TRIM9: variants seen among roughly 807,000 people sequenced by gnomAD.
The protein encoded by TRIM9 is tripartite motif containing 9, also known as E3 ubiquitin-protein ligase TRIM9.
Under a neutral mutation model 78.3 loss-of-function variants are expected in TRIM9, and 26 were observed. The ratio of observed to expected loss-of-function variants is 0.33; its 90% CI spans 0.24 to 0.46. The LOEUF (loss-of-function observed/expected upper bound fraction) is 0.46. Among genes scored for constraint, TRIM9 ranks in the 20% least tolerant of loss-of-function variants. The pLI, the probability that TRIM9 is intolerant of heterozygous loss-of-function variation, is 1.00. For missense variants in TRIM9, 787 were observed against 1,036.4 expected, an observed-to-expected ratio of 0.76 and a Z score of 3.30; for synonymous variants, 398 against 416.5, an observed-to-expected ratio of 0.96 and a Z score of 0.54.
At position 50,986,134 on chromosome 14, in the gene TRIM9, T is replaced by C. The variant is rs2052683171; in HGVS notation, c.1614A>G (p.Ser538=). 2 of 1,524,178 alleles carry C rather than the reference T, an allele frequency of 1.3e-6. No homozygotes were observed. The allele number at this position is 1,524,178 out of a possible 1,614,324, so 94.4% of individuals were successfully genotyped here. The change falls in exon 8 of 13, where the codon TCA becomes TCG. Residue 538 remains serine (S), a synonymous_variant. Coordinates refer to ENST00000684578, the MANE Select transcript of TRIM9 (RefSeq NM_001387360.1). ...LVLQTSEDTD[S]EEQTLPFPVP... Reference sequence around the variant, plus strand: ...CTGGAAAAGGGAGGGTCTGTTCTTCTGAATCTGTGTCTAAATGTAAGATCA... The same window carrying C: ...CTGGAAAAGGGAGGGTCTGTTCTTCCGAATCTGTGTCTAAATGTAAGATCA...
intron 1 of TRIM9, among the ~76,000 whole-genome samples, chr14:51,062,189 T>C (rs2061402114): frequency 6.6e-6 from 1 of 152,230 alleles, no homozygotes; most frequent in Non-Finnish European, 1.5e-5. Context: ...ATCACTCAAC[T>C]GTTTATGCAT....
At chr14:50,981,747 C>T (rs1185319989) in intron 11 of TRIM9, 53 bp downstream of exon 11, 4 of 1,605,932 alleles carry the variant, frequency 2.5e-6, no homozygotes, top group Non-Finnish European at 3.4e-6. Flanking sequence ...GGGGCTCTCA[C>T]TCCTGATCAG....
chr14:51,012,122 C>T (rs1279114384), intron 3 of TRIM9, among the ~76,000 whole-genome samples: 6 of 152,132 alleles, frequency 3.9e-5, no homozygotes, highest in African/African-American at 9.7e-5. Context: ...TGTGTAATTC[C>T]GTGGCATTAA....
At chr14:51,062,848 G>A (rs1240784607) in intron 1 of TRIM9, among the ~76,000 whole-genome samples, 1 of 152,224 alleles carries the variant, frequency 6.6e-6, no homozygotes, top group African/African-American at 2.4e-5. Flanking sequence ...CATCTGCCAA[G>A]TGAAGAGGAG....
At position 51,094,904 on chromosome 14, in the gene TRIM9, C is replaced by G. The variant is rs1431575839; in HGVS notation, c.36G>C (p.Val12=). Residue 12 remains valine, a synonymous_variant, in exon 1 of 13, where the codon GTG becomes GTC. Transcript: ENST00000684578. ...EEMEEELKCP[V]CGSFYREPII... ...TGGGCTCCCGATAGAAGGAGCCGCA[C>G]ACGGGGCATTTCAACTCCTCTTCCA... The G allele has an allele frequency of 1.3e-6, 2 of 1,508,006 alleles. No individual in the cohort carries two copies. The highest frequency in any genetic ancestry group is 1.8e-6 in the Non-Finnish European group (2 of 1,129,858). 93.4% of individuals were successfully genotyped at this position (1,508,006 alleles called of 1,614,324 possible). A position where few individuals can be genotyped will look rare whatever the true frequency, so the allele number is the denominator to read the frequency against.
chr14:51,094,307 G>T lies in TRIM9; in HGVS notation c.633C>A (p.Pro211=). The T allele has an allele frequency of 1.2e-6, 2 of 1,613,786 alleles. No individual in the cohort carries two copies. Among genetic ancestry groups the T allele is most frequent in the Non-Finnish European group, 1.7e-6 (2 of 1,179,878 alleles). The change falls in exon 1 of 13, where the codon CCC becomes CCA. Residue 211 remains proline, a synonymous_variant. Coordinates refer to ENST00000684578, the MANE Select transcript of TRIM9 (RefSeq NM_001387360.1). ...RGPLAKHRLV[P]PAQGRVSRRL... The stretch of plus-strand genomic sequence containing the variant: ...TCCGGCTCACACGACCCTGGGCCGG[G>T]GGCACCAGGCGGTGCTTGGCTAGGG...
intron 1 of TRIM9, among the ~76,000 whole-genome samples, chr14:51,030,190 A>T (rs1478477342): frequency 1.3e-5 from 2 of 152,174 alleles, no homozygotes; most frequent in Non-Finnish European, 2.9e-5. Context: ...TTGGGCAGAG[A>T]TTGGGTGAAG....
intron 7 of TRIM9, among the ~76,000 whole-genome samples, chr14:50,990,461 T>C (rs919689315): frequency 1.3e-5 from 2 of 152,156 alleles, no homozygotes; most frequent in African/African-American, 2.4e-5. Context: ...AGAAAATCAG[T>C]GTCATATATT....
At chr14:50,992,507 A>G (rs562158780) in intron 7 of TRIM9, among the ~76,000 whole-genome samples, 2 of 152,082 alleles carry the variant, frequency 1.3e-5, no homozygotes, top group African/African-American at 4.8e-5. Flanking sequence ...CAGGAGGTCA[A>G]GGTTACAGTG....
At chr14:51,022,343 G>A (rs916563353) in intron 3 of TRIM9, among the ~76,000 whole-genome samples, 2 of 152,082 alleles carry the variant, frequency 1.3e-5, no homozygotes, top group South Asian at 2.1e-4. Context: ...TCCCATGCTC[G>A]CCTGTCCTTC....
rs768333794 is a variant in TRIM9, at chr14:51,022,813, C to T, written c.1041+22G>A. 1.9e-6 allele frequency: 3 copies of T among 1,613,172 alleles called. No individual in the cohort carries two copies. In the South Asian group the frequency reaches 3.3e-5, roughly 18 times the overall value. ...GAGCCTGGCTTGTTGGCTTTCTGCT[C>T]TTCCCATGATGCAGCACTCACCTTC... On this transcript the variant is annotated intron_variant, in intron 3 of 12. Transcript: ENST00000684578.
At chr14:51,029,766 G>C (rs1453688504) in intron 1 of TRIM9, among the ~76,000 whole-genome samples, 1 of 137,932 alleles carries the variant, frequency 7.2e-6, no homozygotes, top group Non-Finnish European at 1.7e-5. Flanking sequence ...GAGGTGCCGA[G>C]AGGATACCCC....
rs201362082 is a variant in TRIM9, at chr14:51,094,310, C to T, written c.630G>A (p.Val210=). 5.0e-6 allele frequency: 8 copies of T among 1,613,742 alleles called. No individual in the cohort carries two copies. The Admixed American group carries it at 6.7e-5, about 13-fold the overall frequency. The part of the protein sequence containing the change: ...PRGPLAKHRL[V]PPAQGRVSRR... ...GGCTCACACGACCCTGGGCCGGGGG[C>T]ACCAGGCGGTGCTTGGCTAGGGGCC... The change falls in exon 1 of 13, where the codon GTG becomes GTA. Residue 210 remains valine (V), a synonymous_variant. Transcript: ENST00000684578.
intron 1 of TRIM9, among the ~76,000 whole-genome samples, chr14:51,073,773 G>A (rs1463930903): frequency 1.2e-4 from 19 of 152,166 alleles, no homozygotes; most frequent in Admixed American, 1.2e-3. Flanking sequence ...GTACATTCAT[G>A]ATTTCTTCAC....
At chr14:51,083,818 T>G (rs2063524866) in intron 1 of TRIM9, among the ~76,000 whole-genome samples, 1 of 152,208 alleles carries the variant, frequency 6.6e-6, no homozygotes, top group South Asian at 2.1e-4. Context: ...TTCTGACATT[T>G]TGAAATACAT....
chr14:51,047,940 A>G (rs2060078839), intron 1 of TRIM9, among the ~76,000 whole-genome samples: 1 of 144,992 alleles, frequency 6.9e-6, no homozygotes, highest in African/African-American at 2.5e-5. Flanking sequence ...AACCTGGGCG[A>G]TACTGTGAGA....
intron 1 of TRIM9, among the ~76,000 whole-genome samples, chr14:51,067,871 T>G (rs1384450807): frequency 2.0e-5 from 3 of 152,178 alleles, no homozygotes; most frequent in Non-Finnish European, 2.9e-5. Flanking sequence ...TTATTTTATT[T>G]TGTGTTATGG....
intron 1 of TRIM9, among the ~76,000 whole-genome samples, chr14:51,067,800 C>G (rs565143721): frequency 6.6e-6 from 1 of 152,262 alleles, no homozygotes; most frequent in African/African-American, 2.4e-5. Context: ...CAAACACTCT[C>G]CATTACATTC....
intron 7 of TRIM9, chr14:50,996,666 G>C: frequency 1.0e-6 from 1 of 985,386 alleles, no homozygotes; most frequent in East Asian, 1.1e-4. Flanking sequence ...GACTCTTGGA[G>C]GGCTTTAGCA....
Sources: gnomAD v4.1 joint callset for allele counts (sites outside exome capture counted in the v4.1 genomes callset) on GRCh38, gnomAD v4.1.1 for gene constraint, MANE v1.5 for transcripts, NCBI Gene and HGNC (gene_info 2026-07-23, HGNC 2026-07-21) for gene names.